Variants in RPTOR observed in about 807,000 individuals in gnomAD.
The protein encoded by RPTOR is regulatory-associated protein of mTOR.
RPTOR carries 21 observed loss-of-function variants against 169.9 expected under a neutral mutation model. That is an observed-to-expected ratio of 0.12 (90% CI 0.09 to 0.18). RPTOR has a LOEUF of 0.18. RPTOR is among the 10% of genes least tolerant of loss of function. RPTOR has a pLI of 1.00. For synonymous variants in RPTOR, 732 were observed against 753.2 expected, an observed-to-expected ratio of 0.97 and a Z score of 0.46; for missense variants, 1,133 against 1,855.9, an observed-to-expected ratio of 0.61 and a Z score of 7.16.
chr17:80,802,879 G>A (rs75831122), intron 7 of RPTOR: 1 of 152,442 alleles, frequency 6.6e-6, no homozygotes, highest in East Asian at 1.9e-4. Flanking sequence ...TCGCATAACC[G>A]GGATGAGGCT....
At chr17:80,586,140 G>C (rs2143389514) in intron 1 of RPTOR, among the ~76,000 whole-genome samples, 1 of 152,132 alleles carries the variant, frequency 6.6e-6, no homozygotes, top group South Asian at 2.1e-4. Context: ...CCCGTTTCTG[G>C]CATAGATTTA....
At chr17:80,913,544 C>T (rs1044429623) in intron 21 of RPTOR, among the ~76,000 whole-genome samples, 1 of 152,160 alleles carries the variant, frequency 6.6e-6, no homozygotes, top group Admixed American at 6.5e-5. Context: ...CCTCGACCTC[C>T]TGGGCTCAAG....
intron 6 of RPTOR, among the ~76,000 whole-genome samples, chr17:80,783,335 A>G (rs1567909236): frequency 6.6e-6 from 1 of 152,220 alleles, no homozygotes; most frequent in Non-Finnish European, 1.5e-5. Context: ...TCTGTGGAAC[A>G]GTTGAGAGGA....
At chr17:80,682,316 G>A (rs995661642) in intron 3 of RPTOR, among the ~76,000 whole-genome samples, 1 of 152,120 alleles carries the variant, frequency 6.6e-6, no homozygotes, top group African/African-American at 2.4e-5. Flanking sequence ...ATGTAACTCA[G>A]GCTGGTCTTG....
At chr17:80,946,230 A>T (rs202035868) in intron 26 of RPTOR, among the ~76,000 whole-genome samples, 2 of 152,090 alleles carry the variant, frequency 1.3e-5, no homozygotes, top group East Asian at 3.9e-4. Flanking sequence ...TTCATGGGGG[A>T]GGGCAGTGGG....
intron 5 of RPTOR, among the ~76,000 whole-genome samples, chr17:80,747,288 C>T (rs960736849): frequency 6.6e-6 from 1 of 152,154 alleles, no homozygotes; most frequent in East Asian, 1.9e-4. Flanking sequence ...CCTGTGTACT[C>T]GTCCATGCAC....
chr17:80,863,644 G>A (rs570471873), intron 13 of RPTOR, among the ~76,000 whole-genome samples: 30 of 152,326 alleles, frequency 2.0e-4, no homozygotes, highest in African/African-American at 6.5e-4. Context: ...GGTTAGGCAC[G>A]GGGCTCACGT....
rs1198547627 is a variant in RPTOR, at chr17:80,721,221, C to T, written c.508-9339C>T. 6.6e-6 allele frequency among the ~76,000 whole-genome samples: 1 copy of T among 151,086 alleles called. No homozygotes were observed. Among genetic ancestry groups the T allele is most frequent in the African/African-American group, 2.5e-5 (1 of 40,424 alleles). ...CCGTGGGGAGCAGGTGATGTGGTTC[C>T]AGTGCTCTGTCATCCTGGGGTCAGT... On this transcript the variant is annotated intron_variant, in intron 4 of 33. Coordinates refer to ENST00000306801, the MANE Select transcript of RPTOR (RefSeq NM_020761.3). This position sits in a 1 kb window ranked among gnomAD's most constrained non-coding sequence, Gnocchi z 4.7.
At position 80,754,503 on chromosome 17, in the gene RPTOR, T is replaced by G. The variant is rs920975763; in HGVS notation, c.830+318T>G. ...GGATAGGTCATACTGGAAACTGGAC[T>G]TTCTTTCAGGGGAAGAAAAGGCTGT... is the stretch of plus-strand genomic sequence containing the variant. On this transcript the variant is annotated intron_variant, in intron 6 of 33. Transcript: ENST00000306801. The surrounding 1 kb of genome is among the most constrained non-coding windows in gnomAD (Gnocchi z 4.2). 6.6e-6 allele frequency among the ~76,000 whole-genome samples: 1 copy of G among 152,220 alleles called. No individual in the cohort carries two copies. The highest frequency in any genetic ancestry group is 1.9e-4 in the East Asian group (1 of 5,194).
chr17:80,787,140 C>G (rs1251162270), intron 6 of RPTOR, among the ~76,000 whole-genome samples: 1 of 152,228 alleles, frequency 6.6e-6, no homozygotes, highest in African/African-American at 2.4e-5. Flanking sequence ...TACATTGCTA[C>G]TATGCATCTG....
Position 80,708,978 on chromosome 17 carries a change from C to T in RPTOR, c.507+979C>T, listed in dbSNP as rs2066163450. ...TCCGTTTCTTCACACACTGAACTCT[C>T]GGTTCCCGCCTACCGTCCCGGGTTC... On this transcript the variant is annotated intron_variant, in intron 4 of 33. Coordinates refer to ENST00000306801, the MANE Select transcript of RPTOR (RefSeq NM_020761.3). This position sits in a 1 kb window ranked among gnomAD's most constrained non-coding sequence, Gnocchi z 4.2. The T allele has an allele frequency of 1.5e-5, 15 of 985,648 alleles. No individual in the cohort carries two copies. Among genetic ancestry groups the T allele is most frequent in the Middle Eastern group, 5.2e-4 (1 of 1,938 alleles). 61.1% of individuals were successfully genotyped at this position (985,648 alleles called of 1,614,324 possible). A position where few individuals can be genotyped will look rare whatever the true frequency, so the allele number is the denominator to read the frequency against.
chr17:80,643,763 A>G lies in RPTOR; in HGVS notation c.301A>G (p.Thr101Ala), dbSNP rs762326172. 25 of 1,613,794 alleles carry G rather than the reference A, an allele frequency of 1.5e-5. 1 individual carries two copies. The South Asian group carries it at 2.5e-4, about 16-fold the overall frequency. ...GATGGGTCCTCAGAAAGCTCTGGAAACCATCGGTGCAAATTTACAGAAGCA... is the reference window on the plus strand; with the variant it reads ...GATGGGTCCTCAGAAAGCTCTGGAAGCCATCGGTGCAAATTTACAGAAGCA... ...LSMGPQKALE[T>A]IGANLQKQYE... Residue 101 changes from threonine (T) to alanine (A), a missense_variant, in exon 3 of 34, where the codon ACC becomes GCC. Physicochemically the swap from Thr to Ala is moderately conservative, Grantham distance 58 (BLOSUM62 0). Around this residue, in one of 9 missense-constraint regions of RPTOR, gnomAD observed 74 missense variants for 168.3 expected, o/e 0.44. Transcript: ENST00000306801.
intron 25 of RPTOR, among the ~76,000 whole-genome samples, chr17:80,945,147 T>G (rs2069083630): frequency 6.6e-6 from 1 of 150,754 alleles, no homozygotes; most frequent in African/African-American, 2.4e-5. Flanking sequence ...CAAAAAAAAG[T>G]AGCCAGGTGT....
rs554244448 is a variant in RPTOR at position 80,965,257 on chromosome 17, T to G, written c.*927T>G. ...TGCAGATGGCACCACGGCCGGCACC[T>G]GGGGGCACACACATGCAGGCGGCGT... On this transcript the variant is annotated 3_prime_UTR_variant, in exon 34 of 34. Transcript: ENST00000306801. 1 of 233,388 alleles carries G rather than the reference T, an allele frequency of 4.3e-6. No homozygotes were observed. 14.5% of individuals were successfully genotyped at this position (233,388 alleles called of 1,614,324 possible).
At chr17:80,599,050 G>C (rs1310106573) in intron 1 of RPTOR, among the ~76,000 whole-genome samples, 2 of 152,098 alleles carry the variant, frequency 1.3e-5, no homozygotes, top group African/African-American at 4.8e-5. Context: ...CTGGCAGATG[G>C]TGTTGTCCTC....
At chr17:80,574,108 T>A (rs2064935584) in intron 1 of RPTOR, among the ~76,000 whole-genome samples, 4 of 152,184 alleles carry the variant, frequency 2.6e-5, no homozygotes, top group Admixed American at 2.0e-4. Context: ...TGTAAAAAAA[T>A]TTTTAAAGTT....
chr17:80,954,007 G>A (rs1412616439), intron 28 of RPTOR, among the ~76,000 whole-genome samples: 2 of 152,204 alleles, frequency 1.3e-5, no homozygotes, highest in Non-Finnish European at 2.9e-5. Context: ...GTTTGTTTGT[G>A]TTTGTTTTTG....
chr17:80,597,129 G>T (rs561173188), intron 1 of RPTOR, among the ~76,000 whole-genome samples: 2 of 152,200 alleles, frequency 1.3e-5, no homozygotes, highest in East Asian at 3.8e-4. Context: ...AGGGAAGGCA[G>T]CTGTGATTAA....
intron 10 of RPTOR, among the ~76,000 whole-genome samples, 179 bp from the exon 11 acceptor site, chr17:80,846,294 G>A (rs569652560): frequency 1.3e-5 from 2 of 152,224 alleles, no homozygotes; most frequent in Non-Finnish European, 2.9e-5. Flanking sequence ...CGTGCACCCC[G>A]CAGGCTCTCC....
Sources: gnomAD v4.1 joint callset for allele counts (sites outside exome capture counted in the v4.1 genomes callset) on GRCh38, gnomAD v4.1.1 for gene constraint, gnomAD v4.1.1 regional missense constraint, Gnocchi (gnomAD v3.1) non-coding constraint, MANE v1.5 for transcripts, NCBI Gene and HGNC (gene_info 2026-07-23, HGNC 2026-07-21) for gene names.